Variants in TCF7L1 observed in about 807,000 individuals in gnomAD.
The protein encoded by TCF7L1 is transcription factor 7 like 1.
A neutral mutation model predicts 63.7 loss-of-function variants in TCF7L1; 18 were observed. The observed-to-expected ratio is 0.28, with a 90% CI of 0.20 to 0.42. The LOEUF (loss-of-function observed/expected upper bound fraction) is 0.42, where lower values mean the gene tolerates loss of function less well. Ranked by LOEUF, TCF7L1 falls within the 10% of genes least tolerant of loss-of-function variation. The pLI is 1.00. For missense variants in TCF7L1, 654 were observed against 779.3 expected (o/e 0.84, Z 1.91); for synonymous variants, 355 against 340.9 (o/e 1.04, Z -0.46).
chr2:85,307,841 T>C (rs1223453310), intron 11 of TCF7L1, 124 bp downstream of exon 11: 1 of 826,998 alleles, frequency 1.2e-6, no homozygotes, highest in African/African-American at 1.7e-5. Flanking sequence ...GCGGGTATTA[T>C]TACCCCTTTC....
At chr2:85,290,206 C>G (rs1681673857) in intron 4 of TCF7L1, among the ~76,000 whole-genome samples, 1 of 152,128 alleles carries the variant, frequency 6.6e-6, no homozygotes, top group South Asian at 2.1e-4. Context: ...GTCTTGAACT[C>G]CTGACCTCAG....
chr2:85,305,475 G>A, intron 8 of TCF7L1, 72 bp downstream of exon 8: 1 of 1,518,604 alleles, frequency 6.6e-7, no homozygotes, highest in Non-Finnish European at 8.8e-7. Flanking sequence ...ACTCTGAGCA[G>A]CAAATGTCAT....
chr2:85,159,513 T>G (rs921162891), intron 3 of TCF7L1, among the ~76,000 whole-genome samples: 1 of 152,188 alleles, frequency 6.6e-6, no homozygotes, highest in African/African-American at 2.4e-5. Context: ...AGGGCACACA[T>G]TGGCTGCCTG....
At chr2:85,300,200 A>G (rs1681937574) in intron 4 of TCF7L1, among the ~76,000 whole-genome samples, 2 of 152,086 alleles carry the variant, frequency 1.3e-5, no homozygotes, top group Admixed American at 1.3e-4. Context: ...CTTTTTTTAA[A>G]TTACAGAGTT....
chr2:85,187,555 C>G (rs1678953798), intron 3 of TCF7L1, among the ~76,000 whole-genome samples: 2 of 152,150 alleles, frequency 1.3e-5, no homozygotes, highest in African/African-American at 2.4e-5. Flanking sequence ...TTTCCCCCTC[C>G]TGTAGATGTC....
intron 8 of TCF7L1, 81 bp downstream of exon 8, chr2:85,305,484 A>G (rs1271899855): frequency 1.3e-6 from 2 of 1,486,228 alleles, no homozygotes; most frequent in South Asian, 1.3e-5. Context: ...AGCAAATGTC[A>G]TGTACTCTTC....
At chr2:85,291,560 A>T (rs1025182382) in intron 4 of TCF7L1, among the ~76,000 whole-genome samples, 1 of 134,766 alleles carries the variant, frequency 7.4e-6, no homozygotes. Context: ...TTTTGGTTTT[A>T]GTTTTGGTTT....
chr2:85,275,833 T>C (rs577429670), intron 3 of TCF7L1, among the ~76,000 whole-genome samples: 3 of 150,218 alleles, frequency 2.0e-5, no homozygotes, highest in East Asian at 4.0e-4. Context: ...GATGGGAGGA[T>C]TGCCTGAGCC....
chr2:85,169,366 T>C (rs369187705), intron 3 of TCF7L1, among the ~76,000 whole-genome samples: 95 of 151,714 alleles, frequency 6.3e-4, no homozygotes, highest in African/African-American at 2.1e-3. Context: ...TTCTTTCTTT[T>C]TTTTTTTTTA....
At chr2:85,143,781 A>G (rs1197655952) in intron 3 of TCF7L1, among the ~76,000 whole-genome samples, 1 of 152,224 alleles carries the variant, frequency 6.6e-6, no homozygotes, top group Non-Finnish European at 1.5e-5. Flanking sequence ...GTGAGTTATC[A>G]GCTGGGGTTG....
At position 85,256,938 on chromosome 2, in the gene TCF7L1, G is replaced by A. The variant is rs111747171; in HGVS notation, c.442-26557G>A. Among the ~76,000 whole-genome samples, 164 of 151,888 alleles carry A rather than the reference G, an allele frequency of 1.1e-3. 1 individual carries two copies. Among genetic ancestry groups the A allele is most frequent in the African/African-American group, 3.8e-3 (159 of 41,360 alleles). On this transcript the variant is annotated intron_variant, in intron 3 of 11. Coordinates refer to ENST00000282111, the MANE Select transcript of TCF7L1 (RefSeq NM_031283.3). ...GCAGAGTTTGCACTGAGCTGAGATC[G>A]CACCATTGCACTCCAGCCTGGGTGA...
At chr2:85,232,304 C>T (rs1304875028) in intron 3 of TCF7L1, among the ~76,000 whole-genome samples, 1 of 152,136 alleles carries the variant, frequency 6.6e-6, no homozygotes, top group African/African-American at 2.4e-5. Flanking sequence ...CCCGGTCAAG[C>T]GATCTGTATA....
At chr2:85,159,105 A>G (rs1015084576) in intron 3 of TCF7L1, among the ~76,000 whole-genome samples, 4 of 152,190 alleles carry the variant, frequency 2.6e-5, no homozygotes, top group Admixed American at 6.5e-5. Context: ...CCTTCGATCA[A>G]TAAATAGAAG....
At chr2:85,215,580 C>T (rs1009720300) in intron 3 of TCF7L1, among the ~76,000 whole-genome samples, 5 of 152,132 alleles carry the variant, frequency 3.3e-5, no homozygotes, top group Non-Finnish European at 5.9e-5. Flanking sequence ...GCAGCTGTGC[C>T]GAACATCTGG....
rs182919820 is a variant in TCF7L1 at position 85,240,418 on chromosome 2, C to G, written c.442-43077C>G. 2.2e-3 allele frequency among the ~76,000 whole-genome samples: 331 copies of G among 152,286 alleles called. 4 individuals are homozygous for G. The highest frequency in any genetic ancestry group is 7.8e-3 in the African/African-American group (324 of 41,570). ...TCAAAGGGCTGATATGGGAACTTCC[C>G]TCCTGTTTCTAACAGTTCCCGTGTT... is the stretch of plus-strand genomic sequence containing the variant. On this transcript the variant is annotated intron_variant, in intron 3 of 11. Coordinates refer to ENST00000282111, the MANE Select transcript of TCF7L1 (RefSeq NM_031283.3).
At chr2:85,244,018 A>C (rs1031318833) in intron 3 of TCF7L1, among the ~76,000 whole-genome samples, 1 of 152,202 alleles carries the variant, frequency 6.6e-6, no homozygotes, top group South Asian at 2.1e-4. Flanking sequence ...CATTTATTCA[A>C]TATTTATTGA....
intron 3 of TCF7L1, among the ~76,000 whole-genome samples, chr2:85,189,070 G>C (rs1367925583): frequency 1.3e-5 from 2 of 152,134 alleles, no homozygotes; most frequent in African/African-American, 4.8e-5. Flanking sequence ...TAAAATATTT[G>C]TGTGCAACAG....
intron 3 of TCF7L1, among the ~76,000 whole-genome samples, chr2:85,189,336 A>G (rs999487878): frequency 6.6e-6 from 1 of 152,212 alleles, no homozygotes; most frequent in African/African-American, 2.4e-5. Flanking sequence ...ATCTCAGGTC[A>G]GTCTGTGTCC....
At chr2:85,185,282 G>T (rs912931034) in intron 3 of TCF7L1, among the ~76,000 whole-genome samples, 1 of 151,904 alleles carries the variant, frequency 6.6e-6, no homozygotes, top group African/African-American at 2.4e-5. Flanking sequence ...TTAAGAGATG[G>T]TGTGTTGCTC....
Sources: allele counts gnomAD v4.1 joint callset (sites outside exome capture counted in the v4.1 genomes callset), GRCh38; gene constraint gnomAD v4.1.1; transcripts MANE v1.5; gene names NCBI Gene and HGNC (gene_info 2026-07-23, HGNC 2026-07-21).